Variants in MGAT4C observed in about 807,000 individuals in gnomAD.
The protein encoded by MGAT4C is MGAT4 family member C, also known as alpha-1,3-mannosyl-glycoprotein 4-beta-N-acetylglucosaminyltransferase C.
MGAT4C carries 19 observed loss-of-function variants against 40.1 expected under a neutral mutation model. The observed-to-expected ratio is 0.47, with a 90% CI of 0.33 to 0.70. The LOEUF is 0.70. MGAT4C is among the 30% of genes least tolerant of loss of function. The pLI, the probability that MGAT4C is intolerant of heterozygous loss-of-function variation, is 0.02. For missense variants in MGAT4C, 491 were observed against 563.2 expected (o/e 0.87, Z 1.30); for synonymous variants, 181 against 187.1 (o/e 0.97, Z 0.27).
chr12:86,677,972 C>T (rs1453869791), intron 2 of MGAT4C, among the ~76,000 whole-genome samples: 3 of 151,676 alleles, frequency 2.0e-5, no homozygotes, highest in Non-Finnish European at 4.4e-5. Context: ...CCTTTACACT[C>T]GCTTCCTAGA....
At chr12:86,285,224 T>C (rs1953322808) in intron 4 of MGAT4C, among the ~76,000 whole-genome samples, 1 of 151,932 alleles carries the variant, frequency 6.6e-6, no homozygotes, top group African/African-American at 2.4e-5. Context: ...GCTGTAGGAA[T>C]GAAGGGTGTT....
intron 2 of MGAT4C, among the ~76,000 whole-genome samples, chr12:86,482,067 T>TACAC (rs10526768): frequency 0.26 from 37,493 of 142,930 alleles, 4,951 homozygotes; most frequent in East Asian, 0.36. Context: ...AACATGTCAC[T>TACAC]ACACACACAC....
intron 2 of MGAT4C, among the ~76,000 whole-genome samples, chr12:86,012,616 G>C (rs372829789): frequency 1.3e-5 from 2 of 152,104 alleles, no homozygotes; most frequent in East Asian, 3.9e-4. Flanking sequence ...GCCAGGAGTG[G>C]TGGTGGGCGC....
intron 3 of MGAT4C, among the ~76,000 whole-genome samples, chr12:86,426,771 C>T (rs1205178545): frequency 6.6e-6 from 1 of 152,128 alleles, no homozygotes; most frequent in Admixed American, 6.5e-5. Context: ...CACGGTGAAA[C>T]CCCGTCTCTA....
At chr12:85,989,206 ATT>A (rs1260420324) in intron 3 of MGAT4C, among the ~76,000 whole-genome samples, 192 bp downstream of exon 3, 1 of 152,070 alleles carries the variant, frequency 6.6e-6, no homozygotes, top group Non-Finnish European at 1.5e-5. Flanking sequence ...CATTAAAAAT[ATT>A]GGAACATAAT....
At chr12:86,708,447 A>G (rs1479371822) in intron 2 of MGAT4C, among the ~76,000 whole-genome samples, 1 of 152,168 alleles carries the variant, frequency 6.6e-6, no homozygotes, top group African/African-American at 2.4e-5. Context: ...GCAGAAGGGA[A>G]ATGTGGGGTT....
intron 2 of MGAT4C, among the ~76,000 whole-genome samples, chr12:86,453,618 C>A (rs532153575): frequency 6.6e-6 from 1 of 152,074 alleles, no homozygotes; most frequent in African/African-American, 2.4e-5. Flanking sequence ...CTTGCAGCTC[C>A]GCTATTTACA....
At chr12:86,087,033 T>C (rs967403006) in intron 1 of MGAT4C, among the ~76,000 whole-genome samples, 2 of 152,122 alleles carry the variant, frequency 1.3e-5, no homozygotes, top group African/African-American at 4.8e-5. Flanking sequence ...TAATATTTTA[T>C]TGTGTATATA....
chr12:86,556,977 T>A (rs1043754729), intron 2 of MGAT4C, among the ~76,000 whole-genome samples: 19 of 151,988 alleles, frequency 1.3e-4, no homozygotes, highest in Non-Finnish European at 2.8e-4. Context: ...AAGAGAAAAC[T>A]GAAGAAAGAC....
chr12:86,615,368 G>A (rs1037900865), intron 2 of MGAT4C, among the ~76,000 whole-genome samples: 2 of 151,956 alleles, frequency 1.3e-5, no homozygotes, highest in Non-Finnish European at 2.9e-5. Context: ...AAGAAGACAG[G>A]TACATTAGTG....
At chr12:86,034,748 G>C (rs1400624105) in intron 2 of MGAT4C, among the ~76,000 whole-genome samples, 2 of 149,008 alleles carry the variant, frequency 1.3e-5, no homozygotes, top group African/African-American at 4.9e-5. Flanking sequence ...CACCCCAACA[G>C]GTTCCGGTGT....
chr12:85,963,240 CATAA>C lies in MGAT4C; in HGVS notation c.*16045_*16048del, dbSNP rs1883203357. The C allele has an allele frequency of 6.6e-6, 1 of 151,942 alleles. No homozygotes were observed. The highest frequency in any genetic ancestry group is 1.5e-5 in the Non-Finnish European group (1 of 67,872). The allele number at this position is 151,942 out of a possible 1,614,324, so 9.4% of individuals were successfully genotyped here. A position where few individuals can be genotyped will look rare whatever the true frequency, so the allele number is the denominator to read the frequency against. Reference sequence around the variant, plus strand: ...TATAATAATTGAATTTTTAATTCCTCATAAATATTTTAAAAGTACACATTGTTCC... The same window carrying C: ...TATAATAATTGAATTTTTAATTCCTCATATTTTAAAAGTACACATTGTTCC... On this transcript the variant is annotated 3_prime_UTR_variant, in exon 5 of 5. Transcript: ENST00000611864.
chr12:86,589,401 G>A (rs1961221111), intron 2 of MGAT4C, among the ~76,000 whole-genome samples: 1 of 152,044 alleles, frequency 6.6e-6, no homozygotes, highest in Non-Finnish European at 1.5e-5. Context: ...TGAAATTGTG[G>A]CAATAATCAA....
chr12:86,066,066 A>C (rs1670699482), intron 1 of MGAT4C, among the ~76,000 whole-genome samples: 2 of 152,326 alleles, frequency 1.3e-5, no homozygotes, highest in Admixed American at 1.3e-4. Flanking sequence ...GAGATGACAC[A>C]AACAAATGAA....
intron 1 of MGAT4C, among the ~76,000 whole-genome samples, chr12:86,054,331 T>C (rs933384085): frequency 6.6e-6 from 1 of 151,980 alleles, no homozygotes; most frequent in South Asian, 2.1e-4. Flanking sequence ...GAGACAGATA[T>C]CACATGTTCT....
At chr12:86,197,430 T>G (rs1949858231) in intron 1 of MGAT4C, among the ~76,000 whole-genome samples, 1 of 152,152 alleles carries the variant, frequency 6.6e-6, no homozygotes, top group South Asian at 2.1e-4. Flanking sequence ...ATGGGATCTT[T>G]GGGAGGCAAT....
At chr12:86,293,695 T>C (rs1244062468) in intron 4 of MGAT4C, among the ~76,000 whole-genome samples, 1 of 152,194 alleles carries the variant, frequency 6.6e-6, no homozygotes, top group Non-Finnish European at 1.5e-5. Flanking sequence ...TTATCTTGAA[T>C]TGTAATCCCC....
At chr12:86,644,595 C>G (rs1317568502) in intron 2 of MGAT4C, among the ~76,000 whole-genome samples, 2 of 151,662 alleles carry the variant, frequency 1.3e-5, no homozygotes, top group East Asian at 3.9e-4. Flanking sequence ...GAAGTATCAA[C>G]GAGCCAAATG....
chr12:86,274,201 C>A (rs889075617), intron 4 of MGAT4C, among the ~76,000 whole-genome samples: 1 of 152,074 alleles, frequency 6.6e-6, no homozygotes, highest in Non-Finnish European at 1.5e-5. Context: ...CAGCACCAAC[C>A]GGATGGTGCT....
Sources: gnomAD v4.1 joint callset for allele counts (sites outside exome capture counted in the v4.1 genomes callset) on GRCh38, gnomAD v4.1.1 for gene constraint, MANE v1.5 for transcripts, NCBI Gene and HGNC (gene_info 2026-07-23, HGNC 2026-07-21) for gene names.